The following MIR2052HG variants were observed in gnomAD, a reference collection of about 807,000 sequenced individuals.
The protein encoded by MIR2052HG is MIR2052 host gene.
intron 4 of MIR2052HG, among the ~76,000 whole-genome samples, chr8:74,729,861 CT>C (rs1809673729): frequency 6.6e-6 from 1 of 152,096 alleles, no homozygotes; most frequent in African/African-American, 2.4e-5. Context: ...ATCTTCAGCA[CT>C]TTTTGAAAGA....
intron 2 of MIR2052HG, among the ~76,000 whole-genome samples, chr8:74,633,686 A>T (rs1808547848): frequency 6.6e-6 from 1 of 152,148 alleles, no homozygotes; most frequent in Non-Finnish European, 1.5e-5. Context: ...TGTACTGTTC[A>T]TTGGGGCTGC....
intron 4 of MIR2052HG, among the ~76,000 whole-genome samples, chr8:74,705,050 C>CTT (rs1305568974): frequency 1.4e-5 from 2 of 145,072 alleles, no homozygotes; most frequent in Admixed American, 1.4e-4. Flanking sequence ...TTTATTCTTT[C>CTT]TTTTTTTTTT....
At chr8:74,701,982 G>T (rs1809362806) in intron 2 of MIR2052HG, among the ~76,000 whole-genome samples, 1 of 152,048 alleles carries the variant, frequency 6.6e-6, no homozygotes, top group Non-Finnish European at 1.5e-5. Flanking sequence ...TTGAGGCATT[G>T]CATTGATATA....
intron 2 of MIR2052HG, among the ~76,000 whole-genome samples, chr8:74,678,761 G>T (rs538196782): frequency 6.6e-6 from 1 of 151,698 alleles, no homozygotes; most frequent in Non-Finnish European, 1.5e-5. Context: ...TAATAGAAAT[G>T]ACAGTAATAT....
At chr8:74,625,445 A>T (rs1808421953) in intron 2 of MIR2052HG, 1 of 152,234 alleles carries the variant, frequency 6.6e-6, no homozygotes, top group African/African-American at 2.4e-5. Context: ...ATTTGAAGGC[A>T]TTTATATAGT....
At chr8:74,733,248 C>G (rs928887572) in intron 4 of MIR2052HG, among the ~76,000 whole-genome samples, 1 of 151,946 alleles carries the variant, frequency 6.6e-6, no homozygotes. Context: ...CACCCCACAA[C>G]AGGCCCCAGA....
At chr8:74,599,837 C>T (rs1419998048) in exon 1 of MIR2052HG, 1 of 158,626 alleles carries the variant, frequency 6.3e-6, no homozygotes, top group African/African-American at 2.4e-5. Context: ...TCGCTGCCGC[C>T]TTGCAGTTTG....
At chr8:74,619,901 C>T (rs1808337583) in intron 2 of MIR2052HG, among the ~76,000 whole-genome samples, 1 of 152,144 alleles carries the variant, frequency 6.6e-6, no homozygotes, top group Non-Finnish European at 1.5e-5. Context: ...CAACATTAAC[C>T]CAAAAGTCCA....
chr8:74,725,323 G>A (rs867918626), intron 4 of MIR2052HG, among the ~76,000 whole-genome samples: 10 of 152,304 alleles, frequency 6.6e-5, no homozygotes, highest in South Asian at 4.1e-4. Flanking sequence ...CTCACTTAGC[G>A]TCTAGGAGTC....
intron 1 of MIR2052HG, among the ~76,000 whole-genome samples, chr8:74,604,455 TGGA>T (rs577633429): frequency 3.6e-4 from 24 of 65,784 alleles, no homozygotes; most frequent in Middle Eastern, 0.011. Context: ...GAAGGTGGGG[TGGA>T]GGAGGAGGAG....
intron 2 of MIR2052HG, among the ~76,000 whole-genome samples, chr8:74,619,956 G>T (rs1808338195): frequency 6.6e-6 from 1 of 152,172 alleles, no homozygotes; most frequent in Non-Finnish European, 1.5e-5. Flanking sequence ...TTCTGCCTAT[G>T]AGCCTGTAAA....
intron 2 of MIR2052HG, among the ~76,000 whole-genome samples, chr8:74,617,360 G>C (rs568459324): frequency 9.9e-5 from 15 of 152,134 alleles, no homozygotes; most frequent in South Asian, 8.3e-4. Context: ...TTCTGTTCCT[G>C]AGTTATTTTA....
At chr8:74,707,612 A>G (rs187724868) in intron 4 of MIR2052HG, among the ~76,000 whole-genome samples, 2 of 151,908 alleles carry the variant, frequency 1.3e-5, no homozygotes, top group African/African-American at 2.4e-5. Flanking sequence ...CTATTGGGCT[A>G]TTTTCATAAA....
At chr8:74,732,829 A>T (rs1809706393) in intron 4 of MIR2052HG, among the ~76,000 whole-genome samples, 1 of 152,076 alleles carries the variant, frequency 6.6e-6, no homozygotes, top group Admixed American at 6.6e-5. Context: ...ACCTAAGAAA[A>T]CCACTGATGA....
intron 2 of MIR2052HG, among the ~76,000 whole-genome samples, chr8:74,665,906 T>C (rs184741538): frequency 1.3e-5 from 2 of 152,300 alleles, no homozygotes; most frequent in East Asian, 3.9e-4. Flanking sequence ...CATGCTCTCT[T>C]GCCTGCTGCC....
chr8:74,669,693 C>T (rs1445237852), intron 2 of MIR2052HG, among the ~76,000 whole-genome samples: 2 of 152,150 alleles, frequency 1.3e-5, no homozygotes, highest in African/African-American at 4.8e-5. Context: ...CATCCCAGGG[C>T]ATCTGCAATT....
chr8:74,662,448 A>G (rs1049059788), intron 2 of MIR2052HG, among the ~76,000 whole-genome samples: 1 of 151,918 alleles, frequency 6.6e-6, no homozygotes, highest in Admixed American at 6.6e-5. Flanking sequence ...GGTGGGGGGC[A>G]AGGGGAGGGA....
intron 1 of MIR2052HG, among the ~76,000 whole-genome samples, chr8:74,600,156 C>T (rs570905280): frequency 2.6e-5 from 4 of 152,296 alleles, no homozygotes; most frequent in East Asian, 3.9e-4. Flanking sequence ...GAACCTGGTA[C>T]CTCAGTTGGA....
intron 4 of MIR2052HG, among the ~76,000 whole-genome samples, chr8:74,743,575 A>G (rs1809853523): frequency 6.6e-6 from 1 of 152,218 alleles, no homozygotes; most frequent in African/African-American, 2.4e-5. Context: ...AGACAATCCC[A>G]AACAATTAAG....
Sources: gnomAD v4.1 joint callset for allele counts (sites outside exome capture counted in the v4.1 genomes callset) on GRCh38, gnomAD v4.1.1 for gene constraint, MANE v1.5 for transcripts, NCBI Gene and HGNC (gene_info 2026-07-23, HGNC 2026-07-21) for gene names.